Variants in PCNX2 observed in about 807,000 individuals in gnomAD.
PCNX2 encodes pecanex 2, also known as pecanex-like protein 2.
Under a neutral mutation model 223.8 loss-of-function variants are expected in PCNX2, and 168 were observed. The observed-to-expected ratio is 0.75, with a 90% CI of 0.66 to 0.85. The LOEUF is 0.85. Ranked by LOEUF, PCNX2 falls within the 40% of genes least tolerant of loss-of-function variation. PCNX2 has a pLI of 0.00. For missense variants in PCNX2, 2,507 were observed against 2,675.5 expected (o/e 0.94, Z 1.39); for synonymous variants, 1,006 against 1,052.6 (o/e 0.96, Z 0.86).
rs1057336190 is a variant in PCNX2, at chr1:233,025,634, T to G, written c.4352-235A>C. 2.7e-5 allele frequency: 15 copies of G among 563,048 alleles called. No homozygotes were observed. In the African/African-American group the frequency reaches 2.8e-4, roughly 11 times the overall value. The allele number at this position is 563,048 out of a possible 1,614,324, so 34.9% of individuals were successfully genotyped here. On this transcript the variant is annotated intron_variant, in intron 25 of 33. Coordinates refer to ENST00000258229, the MANE Select transcript of PCNX2 (RefSeq NM_014801.4). ...CTGTAGAAAATATATTTAAACGATT[T>G]AAAAATTTTTATGGAGATATGAGCT...
chr1:233,308,910 G>A, the PCNX2 span, among the ~76,000 whole-genome samples: 74 of 152,254 alleles, frequency 4.9e-4, 1 homozygote, highest in Admixed American at 1.7e-3. Flanking sequence ...ATCTATAAGT[G>A]TAAATGGCTT....
upstream of PCNX2, among the ~76,000 whole-genome samples, chr1:233,297,616 G>T (rs1294349): frequency 6.6e-5 from 10 of 151,908 alleles, no homozygotes; most frequent in Non-Finnish European, 1.0e-4. Context: ...AGAGGAGCAT[G>T]GCAATTTGGG....
intron 25 of PCNX2, among the ~76,000 whole-genome samples, chr1:233,046,694 G>T (rs1425475781): frequency 1.3e-5 from 2 of 152,166 alleles, no homozygotes; most frequent in African/African-American, 4.8e-5. Flanking sequence ...AGATCCTCCT[G>T]GGCAGTCTAG....
chr1:233,213,604 A>G (rs2102920486), intron 12 of PCNX2, among the ~76,000 whole-genome samples: 1 of 152,310 alleles, frequency 6.6e-6, no homozygotes, highest in South Asian at 2.1e-4. Flanking sequence ...TAATTTCTAC[A>G]TAACCTGAAG....
At chr1:233,028,172 A>G (rs533697301) in intron 25 of PCNX2, among the ~76,000 whole-genome samples, 185 of 152,314 alleles carry the variant, frequency 1.2e-3, no homozygotes, top group African/African-American at 4.3e-3. Context: ...TATTTCGGTG[A>G]CTGTTTCAAA....
chr1:233,273,501 C>A (rs899613058), intron 1 of PCNX2, among the ~76,000 whole-genome samples: 3 of 152,184 alleles, frequency 2.0e-5, no homozygotes, highest in Admixed American at 1.3e-4. Context: ...CAGAATCCTT[C>A]TTTCCTTCTA....
In PCNX2 at chr1:233,054,299, G is replaced by T; in HGVS notation, c.4320C>A (p.Val1440=). 1 of 1,613,862 alleles carries T rather than the reference G, an allele frequency of 6.2e-7. No homozygotes were observed. The highest frequency in any genetic ancestry group is 8.5e-7 in the Non-Finnish European group (1 of 1,179,842). Residue 1440 remains valine, a synonymous_variant, in exon 25 of 34, where the codon GTC becomes GTA. Coordinates refer to ENST00000258229, the MANE Select transcript of PCNX2 (RefSeq NM_014801.4). ...ATTCCAGTCCTCGAAGTTGAAAGGT[G>T]ACAAGACCATTTCCAATTTCAATCA... ...VHLIEIGNGL[V]TFQLRGLEFR...
chr1:233,211,541 T>C (rs1388799894), intron 12 of PCNX2, among the ~76,000 whole-genome samples: 2 of 152,166 alleles, frequency 1.3e-5, no homozygotes, highest in Admixed American at 6.5e-5. Context: ...AGTGTATTCA[T>C]GTAGCGAACC....
At chr1:233,299,137 T>G (rs1662220846), upstream of PCNX2, among the ~76,000 whole-genome samples, 1 of 152,182 alleles carries the variant, frequency 6.6e-6, no homozygotes, top group Non-Finnish European at 1.5e-5. Context: ...GCCTTTTGTA[T>G]TTTGATCTCA....
chr1:233,019,497 C>A (rs1443984579), intron 26 of PCNX2, among the ~76,000 whole-genome samples: 1 of 152,110 alleles, frequency 6.6e-6, no homozygotes, highest in Non-Finnish European at 1.5e-5. Context: ...ATGATGCCCA[C>A]GTTGCACGGC....
chr1:233,319,903 T>A, the PCNX2 span, among the ~76,000 whole-genome samples: 2 of 152,210 alleles, frequency 1.3e-5, no homozygotes, highest in African/African-American at 4.8e-5. Flanking sequence ...AAATACATTT[T>A]TAGAAATAAT....
intron 12 of PCNX2, 31 bp downstream of exon 12, chr1:233,217,867 GA>G: frequency 6.2e-7 from 1 of 1,613,468 alleles, no homozygotes; most frequent in Non-Finnish European, 8.5e-7. Context: ...AGACAGACAA[GA>G]AAAGCTACTT....
At chr1:233,234,336 G>A (rs1458488877) in intron 9 of PCNX2, among the ~76,000 whole-genome samples, 5 of 151,834 alleles carry the variant, frequency 3.3e-5, no homozygotes, top group Non-Finnish European at 7.4e-5. Context: ...ATTTTCTTAG[G>A]GTCTAAACAT....
chr1:233,214,994 C>T (rs78827038), intron 12 of PCNX2, among the ~76,000 whole-genome samples: 3,553 of 152,304 alleles, frequency 0.023, 132 homozygotes, highest in African/African-American at 0.081. Context: ...CTGTCAATCA[C>T]TCTAAGAGCA....
At chr1:233,099,396 G>C (rs1294529473) in intron 21 of PCNX2, among the ~76,000 whole-genome samples, 1 of 152,122 alleles carries the variant, frequency 6.6e-6, no homozygotes, top group African/African-American at 2.4e-5. Context: ...AGTAAAAAAG[G>C]ACCTGATCTG....
At chr1:233,076,021 C>T (rs1185685801) in intron 23 of PCNX2, among the ~76,000 whole-genome samples, 1 of 152,138 alleles carries the variant, frequency 6.6e-6, no homozygotes, top group Non-Finnish European at 1.5e-5. Flanking sequence ...ATCCAAGTTG[C>T]TTGCTGTTGG....
intron 1 of PCNX2, chr1:233,293,841 G>T: frequency 1.8e-6 from 1 of 565,874 alleles, no homozygotes; most frequent in Non-Finnish European, 2.2e-6. Flanking sequence ...CTAGTGAGCA[G>T]CAGAACCAGG....
chr1:233,262,488 A>G (rs1285609888), intron 2 of PCNX2, among the ~76,000 whole-genome samples: 1 of 152,150 alleles, frequency 6.6e-6, no homozygotes, highest in Admixed American at 6.6e-5. Context: ...TTATTTTTAA[A>G]TTAGAGGACA....
At chr1:233,026,167 G>A (rs779529514) in intron 25 of PCNX2, among the ~76,000 whole-genome samples, 1 of 152,154 alleles carries the variant, frequency 6.6e-6, no homozygotes, top group African/African-American at 2.4e-5. Flanking sequence ...ATAGGGGATC[G>A]GAGAAGGTCT....
Sources: gnomAD v4.1 joint callset for allele counts (sites outside exome capture counted in the v4.1 genomes callset) on GRCh38, gnomAD v4.1.1 for gene constraint, MANE v1.5 for transcripts, NCBI Gene and HGNC (gene_info 2026-07-23, HGNC 2026-07-21) for gene names.